The following KIF7 variants were observed in gnomAD, a reference collection of about 807,000 sequenced individuals.
KIF7 encodes kinesin-like protein KIF7.
In KIF7, 104 loss-of-function variants were observed where a neutral mutation model predicts 135.7. The observed-to-expected ratio is 0.77, with a 90% CI of 0.65 to 0.90. KIF7 has a LOEUF of 0.90. Ranked by LOEUF, KIF7 falls within the 40% of genes least tolerant of loss-of-function variation. The probability of loss-of-function intolerance (pLI) is 0.00; values close to 1 mark genes in which losing one functional copy is unlikely to be tolerated. For synonymous variants in KIF7, 883 were observed against 809.4 expected (o/e 1.09, Z -1.54); for missense variants, 2,005 against 1,839.1 (o/e 1.09, Z -1.65).
intron 11 of KIF7, among the ~76,000 whole-genome samples, chr15:89,640,824 T>TAA (rs10716351): frequency 5.2e-5 from 7 of 134,592 alleles, no homozygotes; most frequent in African/African-American, 1.9e-4. Context: ...TGTCTCTACT[T>TAA]AAAAAAAAAA....
chr15:89,633,896 C>A lies in KIF7; in HGVS notation c.2395-13G>T, dbSNP rs750368264. The A allele has an allele frequency of 1.9e-6, 3 of 1,613,442 alleles. No individual in the cohort carries two copies. The highest frequency in any genetic ancestry group is 2.5e-6 in the Non-Finnish European group (3 of 1,180,004). ...TCTCCTTCAGCACCTGGGACCCACA[C>A]AGTCTTCACTGGGCCATGCACGGGG... is the stretch of plus-strand genomic sequence containing the variant. On this transcript the variant is annotated splice_polypyrimidine_tract_variant and intron_variant, in intron 11 of 18. Transcript: ENST00000394412.
At chr15:89,644,723 A>G (rs1963980707) in intron 10 of KIF7, among the ~76,000 whole-genome samples, 1 of 152,162 alleles carries the variant, frequency 6.6e-6, no homozygotes, top group Non-Finnish European at 1.5e-5. Flanking sequence ...CTGCTTACTA[A>G]GAGCTATTCT....
At chr15:89,631,826 C>T in intron 14 of KIF7, 116 bp from the exon 15 acceptor site, 2 of 875,530 alleles carry the variant, frequency 2.3e-6, no homozygotes, top group East Asian at 2.7e-5. Flanking sequence ...ACCAACACTC[C>T]AAATGTTCTG....
At chr15:89,630,673 G>T in intron 15 of KIF7, 180 bp from the exon 16 acceptor site, 1 of 658,842 alleles carries the variant, frequency 1.5e-6, no homozygotes, top group Non-Finnish European at 2.7e-6. Flanking sequence ...CCAACCCCAG[G>T]GTGAGCTGGG....
intron 2 of KIF7, among the ~76,000 whole-genome samples, chr15:89,650,594 A>C (rs1442507844): frequency 6.6e-6 from 1 of 152,256 alleles, no homozygotes. Flanking sequence ...GTGTTTCACC[A>C]TGTTGGCCAG....
chr15:89,634,053 C>CTT (rs1963748014), intron 11 of KIF7, among the ~76,000 whole-genome samples, 170 bp from the exon 12 acceptor site: 1 of 152,206 alleles, frequency 6.6e-6, no homozygotes, highest in Admixed American at 6.5e-5. Flanking sequence ...AATCCCAGCA[C>CTT]TTTGAGAGGC....
At chr15:89,657,683 G>A (rs956164805), upstream of KIF7, among the ~76,000 whole-genome samples, 1 of 152,134 alleles carries the variant, frequency 6.6e-6, no homozygotes, top group African/African-American at 2.4e-5. Flanking sequence ...TATACTGTAG[G>A]CCTGAAATGA....
At chr15:89,625,459 G>A (rs748950628), downstream of KIF7, 12 of 1,613,868 alleles carry the variant, frequency 7.4e-6, no homozygotes, top group African/African-American at 1.2e-4. Context: ...GTCACTGCTT[G>A]AGTCAGAGGG....
chr15:89,650,087 T>C (rs1482606057), intron 2 of KIF7, 146 bp from the exon 3 acceptor site: 1 of 807,520 alleles, frequency 1.2e-6, no homozygotes, highest in South Asian at 1.5e-5. Context: ...ATGGGACAGG[T>C]GGCCTGAGCT....
In KIF7 at chr15:89,649,363, C is replaced by T; in HGVS notation, c.534G>A (p.Leu178=). 6.9e-7 allele frequency: 1 copy of T among 1,457,432 alleles called. No homozygotes were observed. The allele number at this position is 1,457,432 out of a possible 1,614,324, so 90.3% of individuals were successfully genotyped here. ...LREDERGNVV[L]CGVKEVDVEG... ...CCACGTCGACCTCCTTCACCCCGCACAGCACTGCGGGCACAGAAGGCCGTG... is the reference window on the plus strand; with the variant it reads ...CCACGTCGACCTCCTTCACCCCGCATAGCACTGCGGGCACAGAAGGCCGTG... Residue 178 remains leucine (L), a synonymous_variant, in exon 4 of 19, where the codon CTG becomes CTA. Coordinates refer to ENST00000394412, the MANE Select transcript of KIF7 (RefSeq NM_198525.3).
chr15:89,633,000 A>C lies in KIF7; in HGVS notation c.2719-4T>G. ...ACTTCTTCTGCTCCTCAATCTTCTA[A>C]GGAAAAGTAGGGAGGGAGGGAGGGA... is the stretch of plus-strand genomic sequence containing the variant. On this transcript the variant is annotated splice_region_variant and splice_polypyrimidine_tract_variant and intron_variant, in intron 13 of 18. Transcript: ENST00000394412. 4.4e-6 allele frequency: 2 copies of C among 458,958 alleles called. No homozygotes were observed. Among genetic ancestry groups the C allele is most frequent in the Non-Finnish European group, 7.2e-6 (2 of 278,796 alleles). The allele number at this position is 458,958 out of a possible 1,614,324, so 28.4% of individuals were successfully genotyped here. A position where few individuals can be genotyped will look rare whatever the true frequency, so the allele number is the denominator to read the frequency against.
chr15:89,641,016 T>A (rs1283385139), intron 11 of KIF7, among the ~76,000 whole-genome samples: 2 of 151,662 alleles, frequency 1.3e-5, no homozygotes, highest in Admixed American at 1.3e-4. Flanking sequence ...AAATAAAAAA[T>A]GAAAACAACA....
chr15:89,646,727 G>T, intron 7 of KIF7, 103 bp downstream of exon 7: 1 of 1,059,164 alleles, frequency 9.4e-7, no homozygotes, highest in Non-Finnish European at 1.5e-6. Flanking sequence ...CCAGTCCCAT[G>T]AAAGCATGAG....
At chr15:89,626,294 A>T (rs1963524986), downstream of KIF7, among the ~76,000 whole-genome samples, 1 of 152,160 alleles carries the variant, frequency 6.6e-6, no homozygotes. Flanking sequence ...TCCTCCTGAA[A>T]ATGTTGACAG....
Position 89,646,167 on chromosome 15 carries a change from T to C in KIF7, c.1789-141A>G. 2.7e-6 allele frequency: 3 copies of C among 1,105,716 alleles called. No individual in the cohort carries two copies. In the South Asian group the frequency reaches 3.9e-5, roughly 14 times the overall value. The allele number at this position is 1,105,716 out of a possible 1,614,324, so 68.5% of individuals were successfully genotyped here. A position where few individuals can be genotyped will look rare whatever the true frequency, so the allele number is the denominator to read the frequency against. Reference sequence around the variant, plus strand: ...TCAAATGACCCCTCTGGCAGCCTTCTGAATCTCAAGCTGGGGTGAGAGCTT... The same window carrying C: ...TCAAATGACCCCTCTGGCAGCCTTCCGAATCTCAAGCTGGGGTGAGAGCTT... On this transcript the variant is annotated intron_variant, in intron 7 of 18. Transcript: ENST00000394412.
intron 16 of KIF7, 113 bp from the exon 17 acceptor site, chr15:89,629,686 C>G: frequency 7.1e-7 from 1 of 1,399,054 alleles, no homozygotes; most frequent in Non-Finnish European, 9.8e-7. Flanking sequence ...TAAGAAATCA[C>G]CAGGGTCTTC....
At chr15:89,617,525 A>G (rs1332397207) in intron 2 of KIF7, among the ~76,000 whole-genome samples, 1 of 151,990 alleles carries the variant, frequency 6.6e-6, no homozygotes. Context: ...CATTCTAACC[A>G]TCTCACTCTT....
At chr15:89,639,843 G>A (rs1234372431) in intron 11 of KIF7, among the ~76,000 whole-genome samples, 4 of 152,074 alleles carry the variant, frequency 2.6e-5, no homozygotes, top group African/African-American at 9.7e-5. Flanking sequence ...ACATGCACAT[G>A]TATGTTTATT....
At chr15:89,629,715 A>T in intron 16 of KIF7, 142 bp from the exon 17 acceptor site, 2 of 1,067,962 alleles carry the variant, frequency 1.9e-6, no homozygotes, top group Non-Finnish European at 2.7e-6. Context: ...GCCAAGACTC[A>T]GCCTCAGACA....
Sources: allele counts gnomAD v4.1 joint callset (sites outside exome capture counted in the v4.1 genomes callset), GRCh38; gene constraint gnomAD v4.1.1; transcripts MANE v1.5; gene names NCBI Gene and HGNC (gene_info 2026-07-23, HGNC 2026-07-21).